The following PDZD7 variants were observed in gnomAD, a reference collection of about 807,000 sequenced individuals.
PDZD7 encodes the protein PDZ domain containing 7.
A neutral mutation model predicts 84.7 loss-of-function variants in PDZD7; 72 were observed. That is an observed-to-expected ratio of 0.85 (90% CI 0.70 to 1.03). The LOEUF (loss-of-function observed/expected upper bound fraction) is 1.03, where lower values mean the gene tolerates loss of function less well. Ranked by LOEUF, PDZD7 falls within the 50% of genes least tolerant of loss-of-function variation. The pLI is 0.00. For synonymous variants in PDZD7, 594 were observed against 580.7 expected (o/e 1.02, Z -0.33); for missense variants, 1,490 against 1,412.9 (o/e 1.05, Z -0.87).
In PDZD7 at chr10:101,008,705, C is replaced by T. The variant is rs980569540; in HGVS notation, c.2864G>A (p.Arg955Gln). 56 of 1,535,740 alleles carry T rather than the reference C, an allele frequency of 3.6e-5. No homozygotes were observed. Among genetic ancestry groups the T allele is most frequent in the Middle Eastern group, 1.7e-4 (1 of 6,010 alleles). ...LVVRVPGPSPRPSPSDSSALT... is the reference protein window; with the variant it reads ...LVVRVPGPSPQPSPSDSSALT... ...GGCTGATGAGTCAGAGGGTGAGGGC[C>T]GTGGGCTGGGCCCGGGGACCCTGAC... Residue 955 changes from arginine to glutamine, a missense_variant, in exon 17 of 17, where the codon CGG becomes CAG. Transcript: ENST00000619208.
chr10:101,010,750 C>T lies in PDZD7; in HGVS notation c.2139G>A (p.Gly713=), dbSNP rs1852368642. 6 of 1,533,860 alleles carry T rather than the reference C, an allele frequency of 3.9e-6. No homozygotes were observed. Among genetic ancestry groups the T allele is most frequent in the Non-Finnish European group, 5.2e-6 (6 of 1,146,146 alleles). ...SASAPRHPHK[G]IPPLQDVPVD... ...CTGGCACGTCTTGTAGAGGGGGGAT[C>T]CCTTTATGGGGGTGGCGAGGGGCAG... is the stretch of plus-strand genomic sequence containing the variant. The change falls in exon 15 of 17, where the codon GGG becomes GGA. Residue 713 remains glycine (G), a synonymous_variant. Coordinates refer to ENST00000619208, the MANE Select transcript of PDZD7 (RefSeq NM_001195263.2).
chr10:101,008,926 C>T, intron 16 of PDZD7, 76 bp from the exon 17 acceptor site: 1 of 1,429,266 alleles, frequency 7.0e-7, no homozygotes, highest in Non-Finnish European at 9.2e-7. Flanking sequence ...AAGGCAGCAT[C>T]TTCTCACCTC....
rs769641288 is a variant in PDZD7 at position 101,018,933 on chromosome 10, C to T, written c.1213G>A (p.Gly405Ser). 1.9e-6 allele frequency: 3 copies of T among 1,602,986 alleles called. No homozygotes were observed. The highest frequency in any genetic ancestry group is 2.2e-5 in the East Asian group (1 of 44,450). ...TAIRSDGPHP[G>S]RRLDSALSES... is the part of the protein sequence containing the mutation. ...GAGAGCGCAGAGTCAAGGCGGCGGC[C>T]GGGATGGGGGCCGTCCGAGCGGATG... is the stretch of plus-strand genomic sequence containing the variant. The change falls in exon 8 of 17, where the codon GGC becomes AGC. Residue 405 changes from glycine (G) to serine (S), a missense_variant. By Grantham distance (56) the Gly-to-Ser change is moderately conservative. Transcript: ENST00000619208.
chr10:101,010,034 A>G (rs1351012163), intron 15 of PDZD7, among the ~76,000 whole-genome samples: 1 of 152,092 alleles, frequency 6.6e-6, no homozygotes, highest in Non-Finnish European at 1.5e-5. Flanking sequence ...CTGGGATTAC[A>G]GGCGCCCACC....
intron 11 of PDZD7, among the ~76,000 whole-genome samples, chr10:101,013,695 C>T (rs994699580): frequency 2.0e-5 from 3 of 152,100 alleles, no homozygotes; most frequent in African/African-American, 7.2e-5. Flanking sequence ...ACCTATGCGG[C>T]GGCCGTGGGA....
rs60039986 is a variant in PDZD7 at position 101,007,875 on chromosome 10, AC to A, written c.*591del. The A allele has an allele frequency of 0.059, 1,400 of 23,790 alleles. 102 individuals carry two copies. Among genetic ancestry groups the A allele is most frequent in the African/African-American group, 0.18 (922 of 5,126 alleles). 1.5% of individuals were successfully genotyped at this position (23,790 alleles called of 1,614,324 possible). A position where few individuals can be genotyped will look rare whatever the true frequency, so the allele number is the denominator to read the frequency against. On this transcript the variant is annotated 3_prime_UTR_variant, in exon 17 of 17. Coordinates refer to ENST00000619208, the MANE Select transcript of PDZD7 (RefSeq NM_001195263.2). ...GATAAAGAGTACAGGAACTTGTTTG[AC>A]CCCCCCCCCCCCACCATTTGCTGGC...
chr10:101,022,425 C>G, intron 4 of PDZD7, 40 bp from the exon 5 acceptor site: 1 of 1,610,116 alleles, frequency 6.2e-7, no homozygotes, highest in Non-Finnish European at 8.5e-7. Flanking sequence ...GGTCCTCCAT[C>G]CACTGCCACC....
chr10:101,013,254 C>T (rs807018), intron 11 of PDZD7, among the ~76,000 whole-genome samples: 101,691 of 152,130 alleles, frequency 0.67, 34,921 homozygotes, highest in Non-Finnish European at 0.74. Flanking sequence ...CATATGTGCA[C>T]ACGCTTTAAG....
At chr10:101,020,708 A>T in intron 6 of PDZD7, 30 bp from the exon 7 acceptor site, 2 of 1,575,830 alleles carry the variant, frequency 1.3e-6, no homozygotes, top group Non-Finnish European at 1.7e-6. Flanking sequence ...CATAGGAGGG[A>T]AGGGGGAGCA....
chr10:101,022,494 C>T (rs1327603651), intron 4 of PDZD7, 109 bp from the exon 5 acceptor site: 1 of 1,315,868 alleles, frequency 7.6e-7, no homozygotes, highest in Non-Finnish European at 1.1e-6. Context: ...CTTTGGGGGA[C>T]TCCCCAGGCC....
chr10:101,024,635 G>A (rs1347926903), intron 2 of PDZD7, among the ~76,000 whole-genome samples: 2 of 151,910 alleles, frequency 1.3e-5, no homozygotes, highest in Non-Finnish European at 2.9e-5. Flanking sequence ...CCATTCTCTA[G>A]CCAGGTGTAG....
At chr10:101,024,168 C>A in intron 2 of PDZD7, 100 bp from the exon 3 acceptor site, 1 of 1,547,238 alleles carries the variant, frequency 6.5e-7, no homozygotes, top group Non-Finnish European at 8.9e-7. Context: ...GGTTGCTGGG[C>A]ACAGTCACAC....
chr10:101,010,823 C>G lies in PDZD7; in HGVS notation c.2066G>C (p.Gly689Ala). The G allele has an allele frequency of 1.3e-6, 2 of 1,535,262 alleles. No homozygotes were observed. Among genetic ancestry groups the G allele is most frequent in the Non-Finnish European group, 1.7e-6 (2 of 1,146,884 alleles). Residue 689 changes from glycine to alanine, a missense_variant, in exon 15 of 17, where the codon GGG (glycine) becomes GCG (alanine). Physicochemically the swap from Gly to Ala is moderately conservative, Grantham distance 60 (BLOSUM62 0). Coordinates refer to ENST00000619208, the MANE Select transcript of PDZD7 (RefSeq NM_001195263.2). ...GGCCCCCAGCCGCTCCCTCAGCTCC[C>G]CATTATCTTCCTCTTCCGGGAAGCC... ...VNGFPEEEDNGELRERLGALK... is the reference protein window; with the variant it reads ...VNGFPEEEDNAELRERLGALK...
At chr10:101,027,165 TCA>T (rs1311738904) in intron 2 of PDZD7, among the ~76,000 whole-genome samples, 4 of 152,172 alleles carry the variant, frequency 2.6e-5, no homozygotes, top group African/African-American at 9.7e-5. Context: ...ATTAAAAACT[TCA>T]ACACCTGTTC....
intron 6 of PDZD7, among the ~76,000 whole-genome samples, chr10:101,020,987 C>T (rs1853060163): frequency 6.6e-6 from 1 of 152,188 alleles, no homozygotes; most frequent in East Asian, 1.9e-4. Flanking sequence ...GTTTATTGGT[C>T]TGTCTCCCTC....
intron 2 of PDZD7, among the ~76,000 whole-genome samples, chr10:101,026,293 C>T (rs535669720): frequency 4.8e-4 from 73 of 152,206 alleles, no homozygotes; most frequent in African/African-American, 1.7e-3. Context: ...TGCCACCATG[C>T]CGGGCAAATT....
chr10:101,025,543 T>TTTAC (rs1278984141), intron 2 of PDZD7, among the ~76,000 whole-genome samples: 1 of 149,290 alleles, frequency 6.7e-6, no homozygotes, highest in Non-Finnish European at 1.5e-5. Flanking sequence ...TATTTATTTA[T>TTTAC]TTATTTATTT....
chr10:101,015,550 T>G, intron 11 of PDZD7, 86 bp downstream of exon 11: 2 of 1,467,290 alleles, frequency 1.4e-6, no homozygotes, highest in Non-Finnish European at 1.8e-6. Context: ...GCCCAGACAC[T>G]GGTCAGTGGA....
chr10:101,008,979 G>A (rs974002432), intron 16 of PDZD7, 129 bp from the exon 17 acceptor site: 10 of 1,203,052 alleles, frequency 8.3e-6, no homozygotes, highest in Non-Finnish European at 1.1e-5. Flanking sequence ...GGAGGGGATG[G>A]ACAATGAGAC....
Sources: gnomAD v4.1 joint callset for allele counts (sites outside exome capture counted in the v4.1 genomes callset) on GRCh38, gnomAD v4.1.1 for gene constraint, MANE v1.5 for transcripts, NCBI Gene and HGNC (gene_info 2026-07-23, HGNC 2026-07-21) for gene names.